Variants in PPM1E observed in about 807,000 individuals in gnomAD.
PPM1E encodes the protein protein phosphatase 1E.
Under a neutral mutation model 65.9 loss-of-function variants are expected in PPM1E, and 20 were observed. The observed-to-expected ratio is 0.30, with a 90% CI of 0.21 to 0.44. The LOEUF is 0.44. PPM1E is among the 20% of genes least tolerant of loss of function. The pLI is 1.00. For missense variants in PPM1E, 713 were observed against 953.1 expected, an observed-to-expected ratio of 0.75 and a Z score of 3.32; for synonymous variants, 352 against 374.9, an observed-to-expected ratio of 0.94 and a Z score of 0.70.
At chr17:58,815,984 A>C (rs1321816426) in intron 1 of PPM1E, among the ~76,000 whole-genome samples, 1 of 152,188 alleles carries the variant, frequency 6.6e-6, no homozygotes, top group Non-Finnish European at 1.5e-5. Flanking sequence ...GATACAATAA[A>C]AAATTTTAAT....
chr17:58,873,458 A>T (rs2051093261), intron 1 of PPM1E, among the ~76,000 whole-genome samples: 1 of 152,050 alleles, frequency 6.6e-6, no homozygotes. Context: ...CATGTATCTA[A>T]TGAAGCAAGT....
chr17:58,821,815 G>A lies in PPM1E; in HGVS notation c.464+65354G>A, dbSNP rs141523031. Among the ~76,000 whole-genome samples the A allele has an allele frequency of 5.2e-3, 799 of 152,290 alleles. 5 individuals are homozygous for A. Among genetic ancestry groups the A allele is most frequent in the South Asian group, 0.013 (61 of 4,828 alleles). On this transcript the variant is annotated intron_variant, in intron 1 of 6. Transcript: ENST00000308249. ...TCCATTGTTATTTGGTAAAGGCTGG[G>A]AGGGGAGTGGGCTGAAAGTATGAAA...
chr17:58,862,566 G>A (rs12150264), intron 1 of PPM1E, among the ~76,000 whole-genome samples: 27,978 of 152,126 alleles, frequency 0.18, 2,739 homozygotes, highest in Non-Finnish European at 0.21. Flanking sequence ...TTGTGATGGT[G>A]GTAGCTGAAT....
At chr17:58,979,780 G>T (rs947411308) in intron 6 of PPM1E, among the ~76,000 whole-genome samples, 194 bp from the exon 7 acceptor site, 2 of 152,112 alleles carry the variant, frequency 1.3e-5, no homozygotes, top group Non-Finnish European at 2.9e-5. Flanking sequence ...TATTTAACTG[G>T]GAGTAAGGAG....
At chr17:58,842,181 T>C (rs2050726319) in intron 1 of PPM1E, among the ~76,000 whole-genome samples, 1 of 152,046 alleles carries the variant, frequency 6.6e-6, no homozygotes, top group Non-Finnish European at 1.5e-5. Flanking sequence ...CATCCTGTAG[T>C]ATACCTGACC....
At chr17:58,937,137 A>T (rs1408303486) in intron 1 of PPM1E, among the ~76,000 whole-genome samples, 2 of 151,690 alleles carry the variant, frequency 1.3e-5, no homozygotes, top group East Asian at 1.9e-4. Flanking sequence ...ACAAAAAAAA[A>T]AAATAAAATA....
intron 1 of PPM1E, among the ~76,000 whole-genome samples, chr17:58,892,438 T>G (rs1488278308): frequency 1.3e-5 from 2 of 152,084 alleles, no homozygotes; most frequent in African/African-American, 2.4e-5. Context: ...CTAGGAATGT[T>G]GGTGCATGCC....
chr17:58,926,446 A>ATATTTTT (rs1376900518), intron 1 of PPM1E, among the ~76,000 whole-genome samples: 1 of 151,824 alleles, frequency 6.6e-6, no homozygotes, highest in African/African-American at 2.4e-5. Context: ...AACTCCCTTT[A>ATATTTTT]TATTTTTTAA....
chr17:58,950,972 G>T (rs866674091), intron 1 of PPM1E, among the ~76,000 whole-genome samples: 4 of 152,026 alleles, frequency 2.6e-5, no homozygotes, highest in African/African-American at 9.6e-5. Context: ...TAGAGACGGG[G>T]TTTCACTGTG....
intron 6 of PPM1E, among the ~76,000 whole-genome samples, chr17:58,978,236 C>G (rs1471973929): frequency 6.6e-6 from 1 of 152,208 alleles, no homozygotes; most frequent in Non-Finnish European, 1.5e-5. Context: ...CAGTCTGACA[C>G]TAGTGCTGGT....
intron 1 of PPM1E, among the ~76,000 whole-genome samples, chr17:58,844,751 A>G (rs2050754925): frequency 6.6e-6 from 1 of 152,218 alleles, no homozygotes; most frequent in African/African-American, 2.4e-5. Flanking sequence ...GGAAAAAGAT[A>G]TCAGCAATCA....
intron 1 of PPM1E, among the ~76,000 whole-genome samples, chr17:58,875,031 A>ATTCT (rs2051113518): frequency 6.6e-6 from 1 of 152,178 alleles, no homozygotes. Context: ...TTTAACTCAT[A>ATTCT]AAATCATTAT....
chr17:58,920,198 A>T (rs1316798213), intron 1 of PPM1E, among the ~76,000 whole-genome samples: 1 of 152,134 alleles, frequency 6.6e-6, no homozygotes, highest in Non-Finnish European at 1.5e-5. Context: ...TTAGCACTAA[A>T]CTTACTGTCC....
chr17:58,850,162 A>G (rs1346049805), intron 1 of PPM1E, among the ~76,000 whole-genome samples: 1 of 151,598 alleles, frequency 6.6e-6, no homozygotes, highest in Non-Finnish European at 1.5e-5. Flanking sequence ...TTTTGAGCCT[A>G]TGTGTGTCTC....
chr17:58,915,927 AT>A (rs1434253188), intron 1 of PPM1E, among the ~76,000 whole-genome samples: 1 of 152,210 alleles, frequency 6.6e-6, no homozygotes, highest in Admixed American at 6.5e-5. Context: ...CATCTATAAA[AT>A]GGGTACAATC....
chr17:58,966,948 T>C (rs917052559), intron 3 of PPM1E, among the ~76,000 whole-genome samples: 1 of 152,190 alleles, frequency 6.6e-6, no homozygotes, highest in Non-Finnish European at 1.5e-5. Flanking sequence ...TCTAGTACCA[T>C]GGCCATGCAA....
intron 1 of PPM1E, among the ~76,000 whole-genome samples, chr17:58,877,026 G>A (rs986525391): frequency 6.6e-6 from 1 of 152,080 alleles, no homozygotes; most frequent in African/African-American, 2.4e-5. Flanking sequence ...CTCGTGATCC[G>A]CCCGCCTCGG....
intron 1 of PPM1E, among the ~76,000 whole-genome samples, chr17:58,874,255 A>C (rs1394206702): frequency 6.6e-6 from 1 of 152,148 alleles, no homozygotes; most frequent in Non-Finnish European, 1.5e-5. Context: ...GTCATTGATC[A>C]AATCCTCGCT....
chr17:58,921,983 T>C (rs1180589082), intron 1 of PPM1E, among the ~76,000 whole-genome samples: 1 of 149,386 alleles, frequency 6.7e-6, no homozygotes, highest in African/African-American at 2.5e-5. Flanking sequence ...GAGGTTGCAG[T>C]GAGCCGAGAT....
Sources: gnomAD v4.1 joint callset for allele counts (sites outside exome capture counted in the v4.1 genomes callset) on GRCh38, gnomAD v4.1.1 for gene constraint, MANE v1.5 for transcripts, NCBI Gene and HGNC (gene_info 2026-07-23, HGNC 2026-07-21) for gene names.